Variants in TBCA observed in about 807,000 individuals in gnomAD.
TBCA encodes tubulin-specific chaperone A.
TBCA carries 6 observed loss-of-function variants against 15.8 expected under a neutral mutation model. The observed-to-expected ratio is 0.38, with a 90% CI of 0.21 to 0.75. The LOEUF (loss-of-function observed/expected upper bound fraction) is 0.75. Among genes scored for constraint, TBCA ranks in the 30% least tolerant of loss-of-function variants. TBCA has a pLI of 0.46. For synonymous variants in TBCA, 32 were observed against 42.3 expected, an observed-to-expected ratio of 0.76 and a Z score of 0.94; for missense variants, 90 against 131.2, an observed-to-expected ratio of 0.69 and a Z score of 1.53.
intron 1 of TBCA, among the ~76,000 whole-genome samples, chr5:77,762,840 T>C (rs1400479687): frequency 6.6e-6 from 1 of 152,196 alleles, no homozygotes; most frequent in Non-Finnish European, 1.5e-5. Flanking sequence ...AAGGTATATA[T>C]GTACATCATT....
At chr5:77,714,784 T>A (rs1209553149) in intron 1 of TBCA, among the ~76,000 whole-genome samples, 2 of 152,048 alleles carry the variant, frequency 1.3e-5, no homozygotes, top group African/African-American at 2.4e-5. Context: ...GCCAGGATGG[T>A]CTCAATCTCC....
intron 1 of TBCA, among the ~76,000 whole-genome samples, chr5:77,714,315 A>G (rs1239311717): frequency 1.3e-5 from 2 of 152,032 alleles, no homozygotes; most frequent in African/African-American, 2.4e-5. Context: ...GTGAGACTCC[A>G]TCTCAAAAAA....
In TBCA at chr5:77,693,273, C is replaced by T. The variant is rs763686120; in HGVS notation, c.239G>A (p.Arg80Gln). 2.7e-5 allele frequency: 44 copies of T among 1,613,558 alleles called. 1 individual carries two copies. The South Asian group carries it at 3.6e-4, about 13-fold the overall frequency. The change falls in exon 3 of 4, where the codon CGG becomes CAG. Residue 80 changes from arginine (R) to glutamine (Q), a missense_variant. By Grantham distance (43) the Arg-to-Gln change is conservative. Transcript: ENST00000380377. Reference protein sequence around the residue: ...RLEAAYLDLQRILENEKDLEE... With the variant: ...RLEAAYLDLQQILENEKDLEE... Reference sequence around the variant, plus strand: ...ACAGAAGTCTTTGCTTACTAGTATCCGTTGAAGATCCAAATATGCGGCTTC... The same window carrying T: ...ACAGAAGTCTTTGCTTACTAGTATCTGTTGAAGATCCAAATATGCGGCTTC...
rs1746799680 is a variant in TBCA at position 77,732,574 on chromosome 5, A to AAG, written c.54-24228_54-24227insCT. 2.0e-5 allele frequency among the ~76,000 whole-genome samples: 3 copies of AAG among 150,336 alleles called. No homozygotes were observed. The South Asian group carries it at 6.3e-4, about 32-fold the overall frequency. On this transcript the variant is annotated intron_variant, in intron 1 of 3. Transcript: ENST00000380377. ...TCAAAAAAAAAAAAAAAAAAAAAAA[A>AAG]AAATTGAAGGTTTGTGGTAATCGTG... is the stretch of plus-strand genomic sequence containing the variant.
chr5:77,712,328 T>C (rs1352532958), intron 1 of TBCA, among the ~76,000 whole-genome samples: 1 of 152,168 alleles, frequency 6.6e-6, no homozygotes, highest in African/African-American at 2.4e-5. Context: ...TCTATTATGG[T>C]TTGAAATATT....
In TBCA at chr5:77,691,348, G is replaced by C; in HGVS notation, c.*70C>G. ...TCATACTACTTGAACACATAGCAGT[G>C]GTCAAAAATAATGGATTGTAAAATG... On this transcript the variant is annotated 3_prime_UTR_variant, in exon 4 of 4. Transcript: ENST00000380377. 7.6e-7 allele frequency: 1 copy of C among 1,307,676 alleles called. No individual in the cohort carries two copies. Among genetic ancestry groups the C allele is most frequent in the Non-Finnish European group, 1.1e-6 (1 of 927,356 alleles). 81.0% of individuals were successfully genotyped at this position (1,307,676 alleles called of 1,614,324 possible).
chr5:77,755,267 T>C (rs1364287087), intron 1 of TBCA, among the ~76,000 whole-genome samples: 1 of 152,162 alleles, frequency 6.6e-6, no homozygotes, highest in Non-Finnish European at 1.5e-5. Context: ...CTCAATGTAA[T>C]TTGCCCATCA....
At chr5:77,720,856 T>C (rs1746515100) in intron 1 of TBCA, among the ~76,000 whole-genome samples, 1 of 152,220 alleles carries the variant, frequency 6.6e-6, no homozygotes, top group African/African-American at 2.4e-5. Flanking sequence ...CCAAAATTGT[T>C]ATATATAACT....
Position 77,745,091 on chromosome 5 carries a change from C to T in TBCA, c.53+31114G>A, listed in dbSNP as rs116277145. 7.6e-3 allele frequency among the ~76,000 whole-genome samples: 1,160 copies of T among 152,194 alleles called. 15 individuals are homozygous for T. The highest frequency in any genetic ancestry group is 0.025 in the African/African-American group (1,051 of 41,498). ...TGAAGCGCTTAGCTAATGTAGATAACGGCACACAGTGAATGTTCAATAAAT... is the reference window on the plus strand; with the variant it reads ...TGAAGCGCTTAGCTAATGTAGATAATGGCACACAGTGAATGTTCAATAAAT... On this transcript the variant is annotated intron_variant, in intron 1 of 3. Transcript: ENST00000380377.
At chr5:77,741,561 AAAAT>A (rs1747031946) in intron 1 of TBCA, among the ~76,000 whole-genome samples, 1 of 152,152 alleles carries the variant, frequency 6.6e-6, no homozygotes, top group South Asian at 2.1e-4. Context: ...CAAAAGAAAA[AAAAT>A]AGATTTTTTT....
intron 1 of TBCA, among the ~76,000 whole-genome samples, chr5:77,716,466 T>C (rs1746400926): frequency 6.6e-6 from 1 of 152,140 alleles, no homozygotes; most frequent in African/African-American, 2.4e-5. Context: ...AAATAAAAAT[T>C]AAATATGATG....
chr5:77,712,209 T>C (rs1247640027), intron 1 of TBCA, among the ~76,000 whole-genome samples: 2 of 152,178 alleles, frequency 1.3e-5, no homozygotes, highest in Non-Finnish European at 2.9e-5. Flanking sequence ...TTTTATCAGT[T>C]GACATACAAC....
Position 77,717,181 on chromosome 5 carries a change from G to C in TBCA, c.54-8834C>G, listed in dbSNP as rs182178345. ...AATCAACCAACCGTAAAAGCGTACT[G>C]CTTCTAGTTTTCTTATTGCAGGCGA... On this transcript the variant is annotated intron_variant, in intron 1 of 3. Coordinates refer to ENST00000380377, the MANE Select transcript of TBCA (RefSeq NM_004607.3). Among the ~76,000 whole-genome samples, 330 of 152,294 alleles carry C rather than the reference G, an allele frequency of 2.2e-3. 1 individual carries two copies. Among genetic ancestry groups the C allele is most frequent in the African/African-American group, 7.6e-3 (315 of 41,548 alleles).
intron 1 of TBCA, among the ~76,000 whole-genome samples, chr5:77,759,130 A>AT (rs2112504149): frequency 6.6e-6 from 1 of 152,316 alleles, no homozygotes; most frequent in South Asian, 2.1e-4. Flanking sequence ...TAACAATAAT[A>AT]TATCAGTCAA....
rs146417851 is a variant in TBCA at position 77,731,451 on chromosome 5, T to C, written c.54-23104A>G. Among the ~76,000 whole-genome samples the C allele has an allele frequency of 4.0e-3, 602 of 152,326 alleles. 6 individuals are homozygous for C. Among genetic ancestry groups the C allele is most frequent in the African/African-American group, 0.013 (546 of 41,570 alleles). ...GGAAAATTAAATTGTCTAATACCTA[T>C]GAAGTGCTCACAACCATGCCAATAA... is the stretch of plus-strand genomic sequence containing the variant. On this transcript the variant is annotated intron_variant, in intron 1 of 3. Transcript: ENST00000380377.
chr5:77,700,931 T>G (rs896141417), intron 2 of TBCA, among the ~76,000 whole-genome samples: 3 of 152,116 alleles, frequency 2.0e-5, no homozygotes, highest in African/African-American at 7.2e-5. Flanking sequence ...TTAAGATGGA[T>G]TAAAGACAAA....
chr5:77,735,964 ATGAC>A (rs1746892016), intron 1 of TBCA, among the ~76,000 whole-genome samples: 1 of 152,204 alleles, frequency 6.6e-6, no homozygotes, highest in East Asian at 1.9e-4. Context: ...TAAGTAAACA[ATGAC>A]TGGGTAACCC....
At chr5:77,744,205 G>T (rs984068974) in intron 1 of TBCA, among the ~76,000 whole-genome samples, 1 of 152,082 alleles carries the variant, frequency 6.6e-6, no homozygotes, top group South Asian at 2.1e-4. Flanking sequence ...TGTCACCTGT[G>T]ATAAGCCTTC....
In TBCA at chr5:77,751,923, G is replaced by T. The variant is rs934029125; in HGVS notation, c.53+24282C>A. Among the ~76,000 whole-genome samples, 6 of 152,076 alleles carry T rather than the reference G, an allele frequency of 3.9e-5. No individual in the cohort carries two copies. The South Asian group carries it at 1.0e-3, about 26-fold the overall frequency. ...AAAGCTGTCTTCTTGCGCTCAGTCA[G>T]TTCCTGGGTAGGGGGTGCCACAAGA... is the stretch of plus-strand genomic sequence containing the variant. On this transcript the variant is annotated intron_variant, in intron 1 of 3. Transcript: ENST00000380377.
Sources: gnomAD v4.1 joint callset for allele counts (sites outside exome capture counted in the v4.1 genomes callset) on GRCh38, gnomAD v4.1.1 for gene constraint, MANE v1.5 for transcripts, NCBI Gene and HGNC (gene_info 2026-07-23, HGNC 2026-07-21) for gene names.